The following COL24A1 variants were observed in gnomAD, a reference collection of about 807,000 sequenced individuals.
The protein encoded by COL24A1 is collagen type XXIV alpha 1 chain.
Under a neutral mutation model 253.9 loss-of-function variants are expected in COL24A1, and 224 were observed. The ratio of observed to expected loss-of-function variants is 0.88; its 90% CI spans 0.79 to 0.99. The LOEUF is 0.99. COL24A1 is among the 50% of genes least tolerant of loss of function. The pLI is 0.00. For missense variants in COL24A1, 2,131 were observed against 2,068.5 expected (o/e 1.03, Z -0.59); for synonymous variants, 685 against 673.7 (o/e 1.02, Z -0.26).
intron 32 of COL24A1, among the ~76,000 whole-genome samples, chr1:85,883,186 T>C (rs1682069918): frequency 6.6e-6 from 1 of 152,070 alleles, no homozygotes; most frequent in Non-Finnish European, 1.5e-5. Context: ...CTTTTTAATG[T>C]TTTTGGCTTC....
intron 40 of COL24A1, 86 bp from the exon 41 acceptor site, chr1:85,842,207 G>T: frequency 1.4e-6 from 2 of 1,431,834 alleles, no homozygotes; most frequent in Non-Finnish European, 2.0e-6. Flanking sequence ...AGGATTCACT[G>T]TCTAGGAGGA....
chr1:85,880,324 T>A (rs1681683878), intron 32 of COL24A1, among the ~76,000 whole-genome samples: 1 of 152,208 alleles, frequency 6.6e-6, no homozygotes, highest in South Asian at 2.1e-4. Flanking sequence ...TCATTGCTGT[T>A]AATATAGAAA....
At chr1:85,871,039 A>G (rs1680412195) in intron 35 of COL24A1, among the ~76,000 whole-genome samples, 2 of 152,218 alleles carry the variant, frequency 1.3e-5, no homozygotes, top group Admixed American at 6.5e-5. Context: ...CCACAGAAAT[A>G]CAAACTACCA....
At chr1:86,114,293 A>C (rs1222029479) in intron 4 of COL24A1, among the ~76,000 whole-genome samples, 1 of 152,224 alleles carries the variant, frequency 6.6e-6, no homozygotes, top group African/African-American at 2.4e-5. Context: ...TGAATTAGGG[A>C]AGATAAAAGT....
chr1:85,997,270 C>A (rs1371478137), intron 19 of COL24A1, among the ~76,000 whole-genome samples: 2 of 151,524 alleles, frequency 1.3e-5, no homozygotes, highest in Non-Finnish European at 2.9e-5. Flanking sequence ...ACGTTTAAAA[C>A]TGTATAAGTA....
intron 55 of COL24A1, among the ~76,000 whole-genome samples, chr1:85,754,761 A>G (rs1444752211): frequency 6.6e-6 from 1 of 152,050 alleles, no homozygotes. Flanking sequence ...AGACAGGTTT[A>G]TTGAGATTAT....
intron 2 of COL24A1, among the ~76,000 whole-genome samples, chr1:86,139,185 G>GT (rs977313906): frequency 6.6e-6 from 1 of 151,120 alleles, no homozygotes; most frequent in African/African-American, 2.4e-5. Context: ...AGAAAGGGGG[G>GT]GGAGAGGGAG....
chr1:85,886,731 T>C (rs902807400), intron 32 of COL24A1, among the ~76,000 whole-genome samples: 3 of 152,172 alleles, frequency 2.0e-5, no homozygotes, highest in Non-Finnish European at 4.4e-5. Flanking sequence ...ATTATATCTG[T>C]GATATATTAA....
intron 20 of COL24A1, among the ~76,000 whole-genome samples, chr1:85,979,464 G>A (rs575961820): frequency 2.6e-4 from 39 of 152,092 alleles, no homozygotes; most frequent in African/African-American, 8.9e-4. Flanking sequence ...AAAGTAGAGA[G>A]AAGATCCAAA....
At chr1:85,746,397 C>T (rs1186070575) in intron 55 of COL24A1, among the ~76,000 whole-genome samples, 1 of 152,132 alleles carries the variant, frequency 6.6e-6, no homozygotes, top group Non-Finnish European at 1.5e-5. Context: ...ATAATTGACT[C>T]ATTCTGCATA....
chr1:85,734,603 C>G, intron 59 of COL24A1, 146 bp downstream of exon 59: 1 of 665,472 alleles, frequency 1.5e-6, no homozygotes. Context: ...CTAGAAAATG[C>G]AGTTACAAGT....
intron 14 of COL24A1, among the ~76,000 whole-genome samples, chr1:86,028,411 C>T (rs1245303968): frequency 1.3e-5 from 2 of 152,198 alleles, no homozygotes; most frequent in African/African-American, 4.8e-5. Flanking sequence ...GAGATGGCTG[C>T]CCCATGCTGT....
chr1:85,966,294 A>G (rs1410793567), intron 22 of COL24A1, among the ~76,000 whole-genome samples: 1 of 152,150 alleles, frequency 6.6e-6, no homozygotes, highest in Non-Finnish European at 1.5e-5. Flanking sequence ...ATAAGAAGCT[A>G]AGTTTTGGAC....
chr1:85,808,660 G>C (rs1423387416), intron 47 of COL24A1, among the ~76,000 whole-genome samples: 1 of 152,190 alleles, frequency 6.6e-6, no homozygotes, highest in Non-Finnish European at 1.5e-5. Context: ...GAGTAGAAAA[G>C]AACAAGCACC....
At chr1:86,059,052 CA>C in intron 9 of COL24A1, 68 bp downstream of exon 9, 1 of 979,578 alleles carries the variant, frequency 1.0e-6, no homozygotes, top group Admixed American at 2.8e-5. Flanking sequence ...CATTAATTCT[CA>C]AAATCAGAAA....
chr1:85,797,741 C>T (rs763256561), intron 47 of COL24A1, among the ~76,000 whole-genome samples: 1 of 152,156 alleles, frequency 6.6e-6, no homozygotes, highest in Non-Finnish European at 1.5e-5. Context: ...TCACTTAATA[C>T]ACATCAGCAC....
At chr1:85,809,104 T>A (rs1342681273) in intron 47 of COL24A1, among the ~76,000 whole-genome samples, 1 of 152,186 alleles carries the variant, frequency 6.6e-6, no homozygotes, top group Non-Finnish European at 1.5e-5. Flanking sequence ...ATGTTATCTA[T>A]AGAAGCAACT....
At chr1:86,102,354 C>G (rs985262711) in intron 5 of COL24A1, among the ~76,000 whole-genome samples, 2 of 151,890 alleles carry the variant, frequency 1.3e-5, no homozygotes, top group African/African-American at 2.4e-5. Flanking sequence ...ATTTGTTGAT[C>G]TTTGAATGAT....
intron 55 of COL24A1, among the ~76,000 whole-genome samples, chr1:85,754,548 A>AAT (rs1553166316): frequency 1.5e-4 from 4 of 25,834 alleles, no homozygotes; most frequent in Non-Finnish European, 3.4e-4. Context: ...AAAAAAAAAA[A>AAT]TTAAAAAAAA....
Sources: gnomAD v4.1 joint callset for allele counts (sites outside exome capture counted in the v4.1 genomes callset) on GRCh38, gnomAD v4.1.1 for gene constraint, MANE v1.5 for transcripts, NCBI Gene and HGNC (gene_info 2026-07-23, HGNC 2026-07-21) for gene names.